The following HRH1 variants were observed in gnomAD, a reference collection of about 807,000 sequenced individuals.
HRH1 encodes the protein histamine H1 receptor.
A neutral mutation model predicts 10.3 loss-of-function variants in HRH1; 6 were observed. The ratio of observed to expected loss-of-function variants is 0.58; its 90% CI spans 0.32 to 1.15. The LOEUF (loss-of-function observed/expected upper bound fraction) is 1.15, where lower values mean the gene tolerates loss of function less well. Among genes scored for constraint, HRH1 ranks in the 50% most tolerant of loss-of-function variants. The pLI is 0.05. For missense variants in HRH1, 514 were observed against 615.3 expected (o/e 0.84, Z 1.74); for synonymous variants, 242 against 236.7 (o/e 1.02, Z -0.21).
intron 1 of HRH1, among the ~76,000 whole-genome samples, chr3:11,142,975 T>C (rs1936322793): frequency 6.6e-6 from 1 of 151,206 alleles, no homozygotes; most frequent in East Asian, 1.9e-4. Flanking sequence ...GGGATGAGTG[T>C]CCCAGGCATA....
chr3:11,160,433 G>T (rs536696319), intron 1 of HRH1, among the ~76,000 whole-genome samples: 1 of 152,254 alleles, frequency 6.6e-6, no homozygotes, highest in Non-Finnish European at 1.5e-5. Context: ...GGAAAACAAG[G>T]TTTCTCACTG....
At chr3:11,191,944 T>C (rs991324785) in intron 1 of HRH1, among the ~76,000 whole-genome samples, 1 of 152,166 alleles carries the variant, frequency 6.6e-6, no homozygotes, top group Non-Finnish European at 1.5e-5. Flanking sequence ...TTGAATGCAG[T>C]GCTAGACTCT....
At chr3:11,176,996 G>A (rs1937261103) in intron 1 of HRH1, among the ~76,000 whole-genome samples, 1 of 152,036 alleles carries the variant, frequency 6.6e-6, no homozygotes, top group African/African-American at 2.4e-5. Context: ...GGGAGGCTGT[G>A]GCATGAGAAT....
At chr3:11,177,146 A>G (rs1937263769) in intron 1 of HRH1, among the ~76,000 whole-genome samples, 1 of 152,092 alleles carries the variant, frequency 6.6e-6, no homozygotes, top group African/African-American at 2.4e-5. Flanking sequence ...CACTCCTATA[A>G]TCCCAGCATT....
intron 1 of HRH1, among the ~76,000 whole-genome samples, chr3:11,164,603 G>A (rs1019212407): frequency 3.3e-5 from 5 of 152,100 alleles, no homozygotes; most frequent in Non-Finnish European, 1.5e-5. Context: ...TCTCTGCCAC[G>A]TAGGGCTACA....
rs1028958958 is a variant in HRH1, at chr3:11,262,133, A to G, written c.*1632A>G. The G allele has an allele frequency of 4.8e-5, 8 of 167,112 alleles. No homozygotes were observed. Among genetic ancestry groups the G allele is most frequent in the African/African-American group, 1.4e-4 (6 of 41,462 alleles). 10.4% of individuals were successfully genotyped at this position (167,112 alleles called of 1,614,324 possible). On this transcript the variant is annotated 3_prime_UTR_variant, in exon 2 of 2. Coordinates refer to ENST00000431010, the MANE Select transcript of HRH1 (RefSeq NM_001098212.2). The stretch of plus-strand genomic sequence containing the variant: ...AGTTTTACTTGGTGTTTATGTTGCA[A>G]TCTGGTTGTGATTTATATTTTAAAG...
chr3:11,259,959 G>A lies in HRH1; in HGVS notation c.922G>A (p.Val308Met). 1 of 1,614,172 alleles carries A rather than the reference G, an allele frequency of 6.2e-7. No individual in the cohort carries two copies. Among genetic ancestry groups the A allele is most frequent in the Non-Finnish European group, 8.5e-7 (1 of 1,180,036 alleles). ...ACTCTACTGCTTTCCACTTGATATT[G>A]TGCACATGCAGGCTGCGGCAGAGGG... ...DKLYCFPLDI[V>M]HMQAAAEGSS... The change falls in exon 2 of 2, where the codon GTG (valine) becomes ATG (methionine). Residue 308 changes from valine (V) to methionine (M), a missense_variant. Val to Met is a conservative substitution (Grantham distance 21). Transcript: ENST00000431010. This position sits in a 1 kb window ranked among gnomAD's most constrained non-coding sequence, Gnocchi z 4.6.
At chr3:11,144,278 C>A (rs1264025550) in intron 1 of HRH1, among the ~76,000 whole-genome samples, 4 of 150,612 alleles carry the variant, frequency 2.7e-5, no homozygotes, top group African/African-American at 9.8e-5. Flanking sequence ...CTATTCACAA[C>A]AACAAAATCA....
At chr3:11,154,254 A>G (rs1433276152), upstream of HRH1, among the ~76,000 whole-genome samples, 1 of 152,060 alleles carries the variant, frequency 6.6e-6, no homozygotes, top group African/African-American at 2.4e-5. This position sits in a 1 kb window ranked among gnomAD's most constrained non-coding sequence, Gnocchi z 4.4. Flanking sequence ...CAGCGGGAGC[A>G]GCTCCAAACC....
intron 1 of HRH1, among the ~76,000 whole-genome samples, chr3:11,201,007 C>T (rs1937883897): frequency 6.6e-6 from 1 of 152,128 alleles, no homozygotes; most frequent in Non-Finnish European, 1.5e-5. Context: ...GGAATAGATC[C>T]CTTTGAGGGC....
intron 1 of HRH1, among the ~76,000 whole-genome samples, chr3:11,235,401 C>T (rs1002057532): frequency 1.3e-5 from 2 of 151,934 alleles, no homozygotes; most frequent in Non-Finnish European, 1.5e-5. Flanking sequence ...GAGTATGCTG[C>T]CTCATTACTT....
In HRH1 at chr3:11,259,823, G is replaced by A; in HGVS notation, c.786G>A (p.Arg262=). The A allele has an allele frequency of 1.2e-6, 2 of 1,613,924 alleles. No individual in the cohort carries two copies. Among genetic ancestry groups the A allele is most frequent in the Non-Finnish European group, 1.7e-6 (2 of 1,179,968 alleles). The change falls in exon 2 of 2, where the codon AGG becomes AGA. Residue 262 remains arginine (R), a synonymous_variant. Transcript: ENST00000431010. This position sits in a 1 kb window ranked among gnomAD's most constrained non-coding sequence, Gnocchi z 4.6. ...AGTCTCCCTGGGAGGTTCTGAAAAG[G>A]AAGCCAAAAGATGCTGGTGGTGGAT... ...GKESPWEVLK[R]KPKDAGGGSV...
At chr3:11,211,420 A>G (rs1174071629) in intron 1 of HRH1, among the ~76,000 whole-genome samples, 2 of 152,230 alleles carry the variant, frequency 1.3e-5, no homozygotes, top group Non-Finnish European at 2.9e-5. Context: ...TCCACCTGCT[A>G]AGGCAGTACC....
At chr3:11,175,602 A>G (rs1485837140) in intron 1 of HRH1, among the ~76,000 whole-genome samples, 1 of 152,248 alleles carries the variant, frequency 6.6e-6, no homozygotes, top group Non-Finnish European at 1.5e-5. Flanking sequence ...AAGGAGAAAT[A>G]AAAGGAAAAC....
chr3:11,164,056 G>A (rs1936981529), intron 1 of HRH1, among the ~76,000 whole-genome samples: 1 of 150,160 alleles, frequency 6.7e-6, no homozygotes, highest in South Asian at 2.1e-4. Flanking sequence ...GGAGATACTT[G>A]TTGAATGAAT....
chr3:11,214,690 CT>C (rs1343437473), intron 1 of HRH1, among the ~76,000 whole-genome samples: 1 of 152,212 alleles, frequency 6.6e-6, no homozygotes, highest in Non-Finnish European at 1.5e-5. Flanking sequence ...GGGGCCAGGA[CT>C]TTAGACACTT....
intron 1 of HRH1, among the ~76,000 whole-genome samples, chr3:11,190,789 G>A (rs1343851012): frequency 1.3e-5 from 2 of 152,162 alleles, no homozygotes; most frequent in African/African-American, 2.4e-5. Flanking sequence ...GGTTGAGACT[G>A]CAGTGAACCC....
At chr3:11,229,861 T>G (rs1458026520) in intron 1 of HRH1, among the ~76,000 whole-genome samples, 1 of 152,102 alleles carries the variant, frequency 6.6e-6, no homozygotes, top group South Asian at 2.1e-4. Flanking sequence ...ATATATAAAG[T>G]AAATGGTGGT....
intron 1 of HRH1, among the ~76,000 whole-genome samples, chr3:11,156,434 C>T (rs141149733): frequency 2.0e-4 from 30 of 152,290 alleles, no homozygotes; most frequent in African/African-American, 6.5e-4. Context: ...ACATGAGCCT[C>T]CTCCTCTTCG....
Sources: allele counts gnomAD v4.1 joint callset (sites outside exome capture counted in the v4.1 genomes callset), GRCh38; gene constraint gnomAD v4.1.1; non-coding constraint Gnocchi (gnomAD v3.1); transcripts MANE v1.5; gene names NCBI Gene and HGNC (gene_info 2026-07-23, HGNC 2026-07-21).